FBXO36: variants seen among roughly 807,000 people sequenced by gnomAD.
FBXO36 encodes F-box protein 36, also known as F-box only protein 36.
FBXO36 carries 18 observed loss-of-function variants against 17.0 expected under a neutral mutation model. That is an observed-to-expected ratio of 1.06 (90% CI 0.73 to 1.57). The LOEUF (loss-of-function observed/expected upper bound fraction) is 1.57. Among genes scored for constraint, FBXO36 ranks in the 40% most tolerant of loss-of-function variants. FBXO36 has a pLI of 0.00. For synonymous variants in FBXO36, 83 were observed against 85.3 expected, an observed-to-expected ratio of 0.97 and a Z score of 0.15; for missense variants, 229 against 221.9, an observed-to-expected ratio of 1.03 and a Z score of -0.20.
rs574027975 is a variant in FBXO36, at chr2:229,955,490, C to T, written c.97-20751C>T. Reference sequence around the variant, plus strand: ...CTGCTTGTGCCACTGCAGTCCAGCCCGGGCAACAGAGTGAGACCCCGTCTC... The same window carrying T: ...CTGCTTGTGCCACTGCAGTCCAGCCTGGGCAACAGAGTGAGACCCCGTCTC... On this transcript the variant is annotated intron_variant, in intron 1 of 3. Transcript: ENST00000283946. 1.9e-4 allele frequency among the ~76,000 whole-genome samples: 28 copies of T among 151,238 alleles called. 1 individual carries two copies. The highest frequency in any genetic ancestry group is 6.3e-4 in the South Asian group (3 of 4,760).
At chr2:229,958,675 A>G (rs1233357702) in intron 1 of FBXO36, among the ~76,000 whole-genome samples, 1 of 152,136 alleles carries the variant, frequency 6.6e-6, no homozygotes, top group Non-Finnish European at 1.5e-5. Flanking sequence ...TTGGTGTGGC[A>G]TTGACTCACC....
At chr2:230,002,251 T>C (rs1432878311) in intron 3 of FBXO36, among the ~76,000 whole-genome samples, 1 of 152,236 alleles carries the variant, frequency 6.6e-6, no homozygotes, top group Non-Finnish European at 1.5e-5. Context: ...CACTATTAAC[T>C]AAAATACAGA....
intron 1 of FBXO36, among the ~76,000 whole-genome samples, chr2:229,952,712 G>C (rs1475173745): frequency 1.3e-5 from 2 of 152,160 alleles, no homozygotes; most frequent in Non-Finnish European, 2.9e-5. Flanking sequence ...GCAGTACTCA[G>C]GGAACCATTA....
At chr2:229,971,007 A>C (rs555266996) in intron 1 of FBXO36, among the ~76,000 whole-genome samples, 1 of 152,188 alleles carries the variant, frequency 6.6e-6, no homozygotes, top group African/African-American at 2.4e-5. Flanking sequence ...CAACACACAA[A>C]AATTGTCAGT....
chr2:229,990,324 C>A (rs1193574519), intron 2 of FBXO36, among the ~76,000 whole-genome samples: 2 of 150,828 alleles, frequency 1.3e-5, no homozygotes, highest in East Asian at 3.9e-4. Flanking sequence ...GAAGATGATA[C>A]CAACCCATAT....
chr2:229,943,015 A>G (rs2077007924), intron 1 of FBXO36: 1 of 152,220 alleles, frequency 6.6e-6, no homozygotes, highest in Non-Finnish European at 1.5e-5. Flanking sequence ...CTCAGTGTCT[A>G]GTAATGCAGA....
intron 1 of FBXO36, among the ~76,000 whole-genome samples, chr2:229,931,809 G>A (rs934027338): frequency 6.6e-6 from 1 of 151,970 alleles, no homozygotes; most frequent in African/African-American, 2.4e-5. Flanking sequence ...ATTGCACTCT[G>A]GCCTGGGCGA....
chr2:229,938,394 G>A (rs868746923), intron 1 of FBXO36, among the ~76,000 whole-genome samples: 45 of 136,534 alleles, frequency 3.3e-4, no homozygotes, highest in African/African-American at 1.1e-3. Flanking sequence ...GCTAATTTTT[G>A]TATTTTTTGT....
chr2:229,996,846 T>A lies in FBXO36; in HGVS notation c.301T>A (p.Leu101Met). The A allele has an allele frequency of 1.9e-6, 3 of 1,614,150 alleles. No individual in the cohort carries two copies. The highest frequency in any genetic ancestry group is 1.1e-5 in the South Asian group (1 of 91,074). Residue 101 changes from leucine (L) to methionine (M), a missense_variant, in exon 3 of 4, where the codon TTG (leucine) becomes ATG (methionine). Transcript: ENST00000283946. ...CTTCCTTGAACGGCTCTCAGACGAT[T>A]TGCTCCTGACTATCATTTCTTATCT... ...FDFLERLSDD[L>M]LLTIISYLDL...
At chr2:229,981,821 T>A (rs1387794955) in intron 2 of FBXO36, among the ~76,000 whole-genome samples, 1 of 151,888 alleles carries the variant, frequency 6.6e-6, no homozygotes, top group Non-Finnish European at 1.5e-5. Context: ...TACCTGAGAA[T>A]GGATAATTTA....
intron 1 of FBXO36, among the ~76,000 whole-genome samples, chr2:229,961,277 C>T (rs921490838): frequency 3.9e-5 from 6 of 152,118 alleles, no homozygotes; most frequent in Non-Finnish European, 8.8e-5. Flanking sequence ...TATACAAATA[C>T]CATGCTAATT....
chr2:229,940,832 G>A (rs2076994277), intron 1 of FBXO36, among the ~76,000 whole-genome samples: 1 of 152,158 alleles, frequency 6.6e-6, no homozygotes, highest in African/African-American at 2.4e-5. Flanking sequence ...CCCCAGAATC[G>A]TGAGAAATAA....
At chr2:230,010,063 A>G (rs1307567832) in intron 3 of FBXO36, among the ~76,000 whole-genome samples, 1 of 152,216 alleles carries the variant, frequency 6.6e-6, no homozygotes, top group African/African-American at 2.4e-5. Context: ...GGAGCTCAAG[A>G]CCAGCCTGAC....
At chr2:229,945,768 A>G (rs1370517824) in intron 1 of FBXO36, among the ~76,000 whole-genome samples, 3 of 151,402 alleles carry the variant, frequency 2.0e-5, no homozygotes, top group Non-Finnish European at 4.4e-5. Flanking sequence ...CATGCCTGTA[A>G]TCCCAGCACT....
At chr2:229,961,455 A>G (rs2077120543) in intron 1 of FBXO36, among the ~76,000 whole-genome samples, 1 of 152,028 alleles carries the variant, frequency 6.6e-6, no homozygotes, top group South Asian at 2.1e-4. Flanking sequence ...GGCTCACTGC[A>G]ACCTCCGCCT....
At chr2:229,970,780 A>G (rs1401291918) in intron 1 of FBXO36, among the ~76,000 whole-genome samples, 1 of 152,206 alleles carries the variant, frequency 6.6e-6, no homozygotes, top group Non-Finnish European at 1.5e-5. Flanking sequence ...ATTCACGGGT[A>G]ACATAGATTT....
intron 1 of FBXO36, among the ~76,000 whole-genome samples, chr2:229,972,670 T>A (rs927113785): frequency 6.6e-6 from 1 of 151,882 alleles, no homozygotes; most frequent in Non-Finnish European, 1.5e-5. Context: ...ATCATCCCAC[T>A]GCCTCAGCCT....
rs138471882 is a variant in FBXO36, at chr2:229,976,457, T to C, written c.205+108T>C. On this transcript the variant is annotated intron_variant, in intron 2 of 3. Coordinates refer to ENST00000283946, the MANE Select transcript of FBXO36 (RefSeq NM_174899.5). Reference sequence around the variant, plus strand: ...TTTCACTTGAAATATTGATATGCAGTTATGTACTTACATATACAATGTTAG... The same window carrying C: ...TTTCACTTGAAATATTGATATGCAGCTATGTACTTACATATACAATGTTAG... 5 of 739,220 alleles carry C rather than the reference T, an allele frequency of 6.8e-6. No individual in the cohort carries two copies. In the East Asian group the frequency reaches 1.3e-4, roughly 20 times the overall value. 45.8% of individuals were successfully genotyped at this position (739,220 alleles called of 1,614,324 possible).
At chr2:229,940,295 G>A (rs481567) in intron 1 of FBXO36, among the ~76,000 whole-genome samples, 148,405 of 152,180 alleles carry the variant, frequency 0.98, 72,483 homozygotes, top group Middle Eastern at 1. Context: ...GAGGGTGGTT[G>A]GTAACACCAA....
Sources: allele counts gnomAD v4.1 joint callset (sites outside exome capture counted in the v4.1 genomes callset), GRCh38; gene constraint gnomAD v4.1.1; transcripts MANE v1.5; gene names NCBI Gene and HGNC (gene_info 2026-07-23, HGNC 2026-07-21).